Variants in OLFM2 observed in about 807,000 individuals in gnomAD.
The protein encoded by OLFM2 is olfactomedin 2.
In OLFM2, 20 loss-of-function variants were observed where a neutral mutation model predicts 43.9. That is an observed-to-expected ratio of 0.46 (90% CI 0.32 to 0.66). The LOEUF (loss-of-function observed/expected upper bound fraction) is 0.66. OLFM2 is among the 30% of genes least tolerant of loss of function. The probability of loss-of-function intolerance (pLI) is 0.04; values close to 1 mark genes in which losing one functional copy is unlikely to be tolerated. For missense variants in OLFM2, 416 were observed against 643.6 expected (o/e 0.65, Z 3.83); for synonymous variants, 268 against 278.6 (o/e 0.96, Z 0.38).
chr19:9,856,764 T>A lies in OLFM2; in HGVS notation c.687+43A>T. Reference sequence around the variant, plus strand: ...CACCTATGGGCAGTCAAAGGCTCTGTCCCTCCCAGGCCCTGACCCCAGGGG... The same window carrying A: ...CACCTATGGGCAGTCAAAGGCTCTGACCCTCCCAGGCCCTGACCCCAGGGG... On this transcript the variant is annotated intron_variant, in intron 5 of 5. Transcript: ENST00000264833. The surrounding 1 kb of genome is among the most constrained non-coding windows in gnomAD (Gnocchi z 4.0). 6.6e-7 allele frequency: 1 copy of A among 1,517,612 alleles called. No homozygotes were observed. Among genetic ancestry groups the A allele is most frequent in the Non-Finnish European group, 9.1e-7 (1 of 1,101,188 alleles). 94.0% of individuals were successfully genotyped at this position (1,517,612 alleles called of 1,614,324 possible).
chr19:9,887,186 A>AT (rs899561571), intron 1 of OLFM2, among the ~76,000 whole-genome samples: 25 of 148,898 alleles, frequency 1.7e-4, no homozygotes, highest in African/African-American at 2.7e-4. Context: ...TTTTTCTTTC[A>AT]TTTTTTTTTT....
intron 1 of OLFM2, among the ~76,000 whole-genome samples, chr19:9,935,987 C>T (rs2086512179): frequency 6.6e-6 from 1 of 151,862 alleles, no homozygotes; most frequent in Admixed American, 6.6e-5. Context: ...CCAATGCCCC[C>T]TGAAGTTTCC....
rs542909448 is a variant in OLFM2 at position 9,895,402 on chromosome 19, G to T, written c.64-34608C>A. Among the ~76,000 whole-genome samples, 7 of 152,092 alleles carry T rather than the reference G, an allele frequency of 4.6e-5. No homozygotes were observed. The East Asian group carries it at 9.7e-4, about 21-fold the overall frequency. On this transcript the variant is annotated intron_variant, in intron 1 of 5. Transcript: ENST00000264833. ...TCCCAGCTACTCGGGAAGCTGAGGT[G>T]GGGGATCACTTGAGCCTGAGAAGTC...
At chr19:9,863,343 T>C (rs754032214) in intron 1 of OLFM2, among the ~76,000 whole-genome samples, 28 of 151,914 alleles carry the variant, frequency 1.8e-4, no homozygotes, top group Non-Finnish European at 3.5e-4. Context: ...GTGGGAGCCA[T>C]GGAGGGTTCT....
intron 1 of OLFM2, among the ~76,000 whole-genome samples, chr19:9,891,550 G>A (rs1407892531): frequency 6.6e-6 from 1 of 151,512 alleles, no homozygotes; most frequent in Non-Finnish European, 1.5e-5. Context: ...GCTTGAACCG[G>A]GAGGCAGAGG....
rs1457920584 is a variant in OLFM2, at chr19:9,878,028, C to T, written c.64-17234G>A. ...ACCACATCTGGCTAATTTAAAAAAT[C>T]TGTGTAGTCATGGGGTCTGGCCACA... is the stretch of plus-strand genomic sequence containing the variant. On this transcript the variant is annotated intron_variant, in intron 1 of 5. Transcript: ENST00000264833. Among the ~76,000 whole-genome samples the T allele has an allele frequency of 2.0e-5, 3 of 152,054 alleles. No individual in the cohort carries two copies. The East Asian group carries it at 5.8e-4, about 29-fold the overall frequency.
chr19:9,901,158 G>GAAAGAAAGGAAGGAAGGA (rs1244216205), intron 1 of OLFM2, among the ~76,000 whole-genome samples: 3 of 141,414 alleles, frequency 2.1e-5, no homozygotes, highest in Non-Finnish European at 4.6e-5. Flanking sequence ...GAAAGAAAAA[G>GAAAGAAAGGAAGGAAGGA]AAAGAAAGGA....
At chr19:9,885,466 G>T (rs868400519) in intron 1 of OLFM2, among the ~76,000 whole-genome samples, 1 of 152,154 alleles carries the variant, frequency 6.6e-6, no homozygotes, top group South Asian at 2.1e-4. Context: ...TGCTCCTGGG[G>T]CTCTGCCCAG....
chr19:9,889,573 C>T (rs2046619898), intron 1 of OLFM2, among the ~76,000 whole-genome samples: 2 of 152,138 alleles, frequency 1.3e-5, no homozygotes, highest in Non-Finnish European at 2.9e-5. Context: ...TGTGCAGATG[C>T]AGTGTGAGTG....
intron 1 of OLFM2, chr19:9,913,574 A>C: frequency 7.8e-7 from 1 of 1,282,080 alleles, no homozygotes; most frequent in Non-Finnish European, 1.0e-6. Flanking sequence ...GACCATGGCC[A>C]TGGTGCTCAG....
At chr19:9,880,118 C>T (rs956821436) in intron 1 of OLFM2, among the ~76,000 whole-genome samples, 4 of 152,144 alleles carry the variant, frequency 2.6e-5, no homozygotes, top group Non-Finnish European at 5.9e-5. Context: ...CCCACCTCGG[C>T]CTCCCAAAGT....
chr19:9,883,672 C>G (rs1435986362), intron 1 of OLFM2, among the ~76,000 whole-genome samples: 3 of 152,132 alleles, frequency 2.0e-5, no homozygotes, highest in Non-Finnish European at 4.4e-5. Context: ...TGTATCCATC[C>G]CCGGCTGAGC....
At chr19:9,933,468 C>G (rs1223270463) in intron 1 of OLFM2, among the ~76,000 whole-genome samples, 1 of 151,934 alleles carries the variant, frequency 6.6e-6, no homozygotes, top group South Asian at 2.1e-4. Context: ...AAACTCCTGA[C>G]CTCAAGTGAT....
intron 1 of OLFM2, among the ~76,000 whole-genome samples, chr19:9,909,831 G>C (rs1164216484): frequency 6.6e-6 from 1 of 152,180 alleles, no homozygotes; most frequent in African/African-American, 2.4e-5. Flanking sequence ...GGCTTGGCTA[G>C]AGGGGTAAAT....
chr19:9,928,826 G>A (rs1337457871), intron 1 of OLFM2, among the ~76,000 whole-genome samples: 1 of 151,580 alleles, frequency 6.6e-6, no homozygotes, highest in African/African-American at 2.4e-5. Flanking sequence ...AAGAGAGAAA[G>A]AGAATAAGCT....
chr19:9,914,690 G>C (rs2046860977), intron 1 of OLFM2, among the ~76,000 whole-genome samples: 2 of 150,640 alleles, frequency 1.3e-5, no homozygotes, highest in Non-Finnish European at 2.9e-5. Context: ...CGCTCCCTCG[G>C]GGGAGCGGGA....
rs2046329172 is a variant in OLFM2, at chr19:9,857,387, C to T, written c.456G>A (p.Glu152=). The change falls in exon 4 of 6, where the codon GAG becomes GAA. Residue 152 remains glutamate, a synonymous_variant. Coordinates refer to ENST00000264833, the MANE Select transcript of OLFM2 (RefSeq NM_058164.4). This position sits in a 1 kb window ranked among gnomAD's most constrained non-coding sequence, Gnocchi z 5.7. The part of the protein sequence containing the change: ...DTRTIVRLRE[E]VRNLSGSLAA... Reference sequence around the variant, plus strand: ...CCAGACTGCCGGAGAGATTCCTCACCTCCTCCCGCAAGCGTACAATGGTCC... The same window carrying T: ...CCAGACTGCCGGAGAGATTCCTCACTTCCTCCCGCAAGCGTACAATGGTCC... 8.1e-6 allele frequency: 13 copies of T among 1,614,194 alleles called. No individual in the cohort carries two copies. In the East Asian group the frequency reaches 2.7e-4, roughly 33 times the overall value.
intron 1 of OLFM2, among the ~76,000 whole-genome samples, chr19:9,914,069 G>GC (rs2046855339): frequency 9.5e-6 from 1 of 105,468 alleles, no homozygotes; most frequent in African/African-American, 3.6e-5. Flanking sequence ...CCCCAGCCCC[G>GC]CCCCCCAACG....
chr19:9,865,090 AT>A (rs1468632563), intron 1 of OLFM2, among the ~76,000 whole-genome samples: 2 of 151,894 alleles, frequency 1.3e-5, no homozygotes, highest in Non-Finnish European at 2.9e-5. Flanking sequence ...TACAAGAGGA[AT>A]ACCCCAAGAA....
Sources: allele counts gnomAD v4.1 joint callset (sites outside exome capture counted in the v4.1 genomes callset), GRCh38; gene constraint gnomAD v4.1.1; non-coding constraint Gnocchi (gnomAD v3.1); transcripts MANE v1.5; gene names NCBI Gene and HGNC (gene_info 2026-07-23, HGNC 2026-07-21).